Variants in DCAF7 observed in about 807,000 individuals in gnomAD.
DCAF7 encodes the protein DDB1 and CUL4 associated factor 7.
DCAF7 carries 4 observed loss-of-function variants against 41.2 expected under a neutral mutation model. The ratio of observed to expected loss-of-function variants is 0.10; its 90% CI spans 0.05 to 0.22. The LOEUF (loss-of-function observed/expected upper bound fraction) is 0.22. Among genes scored for constraint, DCAF7 ranks in the 10% least tolerant of loss-of-function variants. The pLI is 1.00. For synonymous variants in DCAF7, 143 were observed against 164.2 expected, an observed-to-expected ratio of 0.87 and a Z score of 0.99; for missense variants, 131 against 443.2, an observed-to-expected ratio of 0.30 and a Z score of 6.32.
At position 63,556,573 on chromosome 17, in the gene DCAF7, A is replaced by C. The variant is rs533168893; in HGVS notation, c.138+5758A>C. Among the ~76,000 whole-genome samples, 6 of 147,400 alleles carry C rather than the reference A, an allele frequency of 4.1e-5. No homozygotes were observed. In the East Asian group the frequency reaches 1.2e-3, roughly 31 times the overall value. On this transcript the variant is annotated intron_variant, in intron 1 of 6. Coordinates refer to ENST00000614556, the MANE Select transcript of DCAF7 (RefSeq NM_005828.5). ...AACAGAGCAAGACTGTTTCAAAAAG[A>C]AAAAATAAATCAGGGCCGGGCGCAG...
intron 1 of DCAF7, among the ~76,000 whole-genome samples, chr17:63,575,550 A>G (rs766924281): frequency 1.2e-4 from 19 of 152,024 alleles, no homozygotes; most frequent in Non-Finnish European, 2.5e-4. Flanking sequence ...AAATACAAAA[A>G]TTGCCTGGGC....
intron 1 of DCAF7, among the ~76,000 whole-genome samples, chr17:63,556,650 C>T (rs185217876): frequency 3.3e-5 from 5 of 152,026 alleles, no homozygotes; most frequent in Admixed American, 1.3e-4. Flanking sequence ...TGGCGGATCA[C>T]GAGGTCAGGA....
intron 1 of DCAF7, among the ~76,000 whole-genome samples, chr17:63,559,459 T>TATATATA (rs2033356921): frequency 7.6e-6 from 1 of 131,160 alleles, no homozygotes; most frequent in African/African-American, 2.9e-5. Context: ...ATATATATAT[T>TATATATA]TTTAATAATT....
chr17:63,585,454 T>C, intron 6 of DCAF7, 126 bp downstream of exon 6: 1 of 827,824 alleles, frequency 1.2e-6, no homozygotes, highest in Non-Finnish European at 1.9e-6. Context: ...AATGACTAGT[T>C]GGAGCCTCTC....
At chr17:63,574,536 A>G (rs1054276708) in intron 1 of DCAF7, among the ~76,000 whole-genome samples, 3 of 152,246 alleles carry the variant, frequency 2.0e-5, no homozygotes, top group African/African-American at 7.2e-5. Context: ...CTATGAATAT[A>G]TGTAGAAAAA....
At chr17:63,567,648 T>G (rs986765784) in intron 1 of DCAF7, among the ~76,000 whole-genome samples, 1 of 152,184 alleles carries the variant, frequency 6.6e-6, no homozygotes, top group African/African-American at 2.4e-5. Context: ...CATGAGATTT[T>G]ATTTGGCGTC....
At chr17:63,588,282 A>G (rs1207784818) in intron 6 of DCAF7, among the ~76,000 whole-genome samples, 1 of 145,746 alleles carries the variant, frequency 6.9e-6, no homozygotes, top group African/African-American at 2.6e-5. Context: ...CTGCCTCCCG[A>G]GTTAAAGCGA....
intron 1 of DCAF7, among the ~76,000 whole-genome samples, chr17:63,560,268 C>G (rs2033366714): frequency 6.6e-6 from 1 of 152,120 alleles, no homozygotes; most frequent in African/African-American, 2.4e-5. Flanking sequence ...TTTAAATTGG[C>G]ATTATTTTCC....
At chr17:63,581,586 C>A (rs1377458090) in intron 4 of DCAF7, among the ~76,000 whole-genome samples, 1 of 152,204 alleles carries the variant, frequency 6.6e-6, no homozygotes, top group Admixed American at 6.5e-5. Context: ...CAAAGCCTCC[C>A]ATGGCTGAAC....
chr17:63,565,340 T>A lies in DCAF7; in HGVS notation c.139-13130T>A, dbSNP rs186114766. Among the ~76,000 whole-genome samples the A allele has an allele frequency of 1.4e-3, 212 of 152,092 alleles. 1 individual carries two copies. Among genetic ancestry groups the A allele is most frequent in the African/African-American group, 4.9e-3 (204 of 41,480 alleles). ...CTGCAATCCCAGCACTTTGGGAGGC[T>A]GAGGTGGGCGGATCACCTGGGGTTG... On this transcript the variant is annotated intron_variant, in intron 1 of 6. Coordinates refer to ENST00000614556, the MANE Select transcript of DCAF7 (RefSeq NM_005828.5).
chr17:63,570,774 A>G (rs910718823), intron 1 of DCAF7, among the ~76,000 whole-genome samples: 2 of 152,248 alleles, frequency 1.3e-5, no homozygotes, highest in South Asian at 2.1e-4. Flanking sequence ...TAATTTGGCT[A>G]TCTTGTGGAA....
At chr17:63,580,675 C>T (rs1168646860) in intron 4 of DCAF7, among the ~76,000 whole-genome samples, 1 of 151,668 alleles carries the variant, frequency 6.6e-6, no homozygotes, top group Non-Finnish European at 1.5e-5. Flanking sequence ...CCCGCAACCA[C>T]CCCTGGCTAA....
chr17:63,583,403 T>C (rs796564188), intron 4 of DCAF7, 99 bp from the exon 5 acceptor site: 2 of 1,050,594 alleles, frequency 1.9e-6, no homozygotes, highest in African/African-American at 1.6e-5. Flanking sequence ...TTTTGTGTCA[T>C]GAGCGAGGTT....
chr17:63,568,412 C>T (rs1045643461), intron 1 of DCAF7, among the ~76,000 whole-genome samples: 49 of 152,090 alleles, frequency 3.2e-4, no homozygotes, highest in African/African-American at 1.0e-3. Flanking sequence ...TTAGTCTTTG[C>T]TTTGGTTATC....
rs769871117 is a variant in DCAF7, at chr17:63,585,367, A to AGAAAGAAATCTG, written c.856+40_856+41insAAAGAAATCTGG. On this transcript the variant is annotated intron_variant, in intron 6 of 6. Transcript: ENST00000614556. ...GGAGAAAGAAATCTGGGAAGGATGG[A>AGAAAGAAATCTG]GGAAATCTGTTCTCTTGGCTCCTTA... 6 of 1,548,104 alleles carry AGAAAGAAATCTG rather than the reference A, an allele frequency of 3.9e-6. No homozygotes were observed. In the African/African-American group the frequency reaches 8.2e-5, roughly 21 times the overall value.
intron 3 of DCAF7, 104 bp from the exon 4 acceptor site, chr17:63,579,721 T>C (rs1476464919): frequency 1.0e-6 from 1 of 999,780 alleles, no homozygotes; most frequent in Non-Finnish European, 1.5e-6. Context: ...CTGTAGTCTT[T>C]ATGGTATGCT....
At chr17:63,588,430 C>T (rs1276325022) in intron 6 of DCAF7, among the ~76,000 whole-genome samples, 1 of 151,002 alleles carries the variant, frequency 6.6e-6, no homozygotes, top group Admixed American at 6.6e-5. Context: ...CTCCTGACCT[C>T]AGGTGATCCG....
Position 63,550,950 on chromosome 17 carries a change from C to T in DCAF7, c.138+135C>T, listed in dbSNP as rs1359508902. 8 of 1,381,664 alleles carry T rather than the reference C, an allele frequency of 5.8e-6. No individual in the cohort carries two copies. The highest frequency in any genetic ancestry group is 5.0e-5 in the East Asian group (2 of 39,754). The allele number at this position is 1,381,664 out of a possible 1,614,324, so 85.6% of individuals were successfully genotyped here. A position where few individuals can be genotyped will look rare whatever the true frequency, so the allele number is the denominator to read the frequency against. On this transcript the variant is annotated intron_variant, in intron 1 of 6. Coordinates refer to ENST00000614556, the MANE Select transcript of DCAF7 (RefSeq NM_005828.5). This position sits in a 1 kb window ranked among gnomAD's most constrained non-coding sequence, Gnocchi z 4.8. ...CCACGGAGCGGTTCCTCTGTCTGGC[C>T]CTGTGCTGAAGGTTTCGTACTCGTT...
chr17:63,589,190 C>T lies in DCAF7; in HGVS notation c.*18C>T, dbSNP rs538415233. 4.3e-6 allele frequency: 7 copies of T among 1,611,908 alleles called. No homozygotes were observed. The African/African-American group carries it at 6.7e-5, about 15-fold the overall frequency. On this transcript the variant is annotated 3_prime_UTR_variant, in exon 7 of 7. Coordinates refer to ENST00000614556, the MANE Select transcript of DCAF7 (RefSeq NM_005828.5). Reference sequence around the variant, plus strand: ...GAGTGTAGTGTTGGTGGCGCTGTGCCCACGAGGCAGGGGCTTTTGTATTTC... The same window carrying T: ...GAGTGTAGTGTTGGTGGCGCTGTGCTCACGAGGCAGGGGCTTTTGTATTTC...
Sources: allele counts gnomAD v4.1 joint callset (sites outside exome capture counted in the v4.1 genomes callset), GRCh38; gene constraint gnomAD v4.1.1; non-coding constraint Gnocchi (gnomAD v3.1); transcripts MANE v1.5; gene names NCBI Gene and HGNC (gene_info 2026-07-23, HGNC 2026-07-21).